The following C16orf96 variants were observed in gnomAD, a reference collection of about 807,000 sequenced individuals.
The protein encoded by C16orf96 is chromosome 16 open reading frame 96.
C16orf96 carries 108 observed loss-of-function variants against 103.6 expected under a neutral mutation model. The observed-to-expected ratio is 1.04, with a 90% CI of 0.89 to 1.22. C16orf96 has a LOEUF of 1.22. Ranked by LOEUF, C16orf96 falls within the 50% of genes most tolerant of loss-of-function variation. C16orf96 has a pLI of 0.00. For missense variants in C16orf96, 1,586 were observed against 1,464.2 expected (o/e 1.08, Z -1.36); for synonymous variants, 566 against 593.5 (o/e 0.95, Z 0.67).
At chr16:4,577,646 G>A (rs1026296080) in intron 5 of C16orf96, among the ~76,000 whole-genome samples, 12 of 141,912 alleles carry the variant, frequency 8.5e-5, no homozygotes, top group South Asian at 4.5e-4. Context: ...GCTAGACTCC[G>A]TCTCAAAAAA....
At chr16:4,568,680 G>A (rs2059406576) in intron 1 of C16orf96, among the ~76,000 whole-genome samples, 1 of 144,276 alleles carries the variant, frequency 6.9e-6, no homozygotes, top group South Asian at 2.2e-4. Context: ...CCAAGCTGGA[G>A]GGCAGTAGTG....
intron 1 of C16orf96, among the ~76,000 whole-genome samples, chr16:4,557,330 G>C (rs1304590076): frequency 6.6e-6 from 1 of 152,106 alleles, no homozygotes; most frequent in Non-Finnish European, 1.5e-5. Flanking sequence ...ATGCAGAGTG[G>C]GAAGAAGGGT....
the C16orf96 span, among the ~76,000 whole-genome samples, chr16:4,547,685 CTTCCTTCTTTCTTTCTTTCT>C: frequency 0.61 from 65,666 of 107,046 alleles, 19,759 homozygotes; most frequent in East Asian, 0.8. Context: ...TCCTTCCTTC[CTTCCTTCTTTCTTTCTTTCT>C]TTCTTTCTTT....
At chr16:4,596,496 A>AC (rs1180418303) in intron 14 of C16orf96, among the ~76,000 whole-genome samples, 6 of 151,570 alleles carry the variant, frequency 4.0e-5, no homozygotes, top group Admixed American at 1.3e-4. Context: ...AAAAAAAAAA[A>AC]AAAAAACAGC....
At chr16:4,586,925 G>C (rs1275987439) in intron 7 of C16orf96, 114 bp from the exon 8 acceptor site, 4 of 929,424 alleles carry the variant, frequency 4.3e-6, no homozygotes, top group Middle Eastern at 2.5e-4. Context: ...CCTGCCTGCT[G>C]TCCACACGGC....
intron 1 of C16orf96, among the ~76,000 whole-genome samples, chr16:4,567,925 T>A (rs1183166609): frequency 6.6e-6 from 1 of 152,014 alleles, no homozygotes; most frequent in Non-Finnish European, 1.5e-5. Context: ...CTCGATCTCC[T>A]GACTTCATGA....
chr16:4,545,929 A>G, the C16orf96 span, among the ~76,000 whole-genome samples: 1 of 151,576 alleles, frequency 6.6e-6, no homozygotes, highest in East Asian at 1.9e-4. Flanking sequence ...AGCTCACCAC[A>G]ACTTCCGCCT....
the C16orf96 span, among the ~76,000 whole-genome samples, chr16:4,549,103 T>TA: frequency 2.0e-5 from 3 of 151,976 alleles, 1 homozygote; most frequent in South Asian, 2.1e-4. Flanking sequence ...GAGACCCTAT[T>TA]AAAAAAAGTG....
Position 4,594,522 on chromosome 16 carries a change from C to CG in C16orf96, c.3027+16dup. The CG allele has an allele frequency of 1.9e-6, 3 of 1,548,968 alleles. No individual in the cohort carries two copies. The highest frequency in any genetic ancestry group is 2.4e-5 in the East Asian group (1 of 40,832). On this transcript the variant is annotated intron_variant, in intron 13 of 15. Transcript: ENST00000444310. ...TCGACTATGACAGCGTGAGTCTGGC[C>CG]GGGGCCTCCTTCTCAGAGGGTGGAC...
chr16:4,564,704 G>C (rs1023130871), intron 1 of C16orf96, among the ~76,000 whole-genome samples: 1 of 152,134 alleles, frequency 6.6e-6, no homozygotes, highest in African/African-American at 2.4e-5. Context: ...CCAGCCACTC[G>C]AGAGGCTGAG....
At chr16:4,582,695 G>A (rs1435580177) in intron 7 of C16orf96, among the ~76,000 whole-genome samples, 1 of 152,082 alleles carries the variant, frequency 6.6e-6, no homozygotes, top group Non-Finnish European at 1.5e-5. Context: ...CCATGTCCTG[G>A]GGTCATCTTG....
chr16:4,580,694 A>C (rs2059574300), intron 7 of C16orf96, among the ~76,000 whole-genome samples: 1 of 152,030 alleles, frequency 6.6e-6, no homozygotes, highest in Non-Finnish European at 1.5e-5. Context: ...ACAAATAAAA[A>C]ATTTAGCTGG....
chr16:4,594,952 G>A (rs1897140649), intron 14 of C16orf96, 149 bp downstream of exon 14: 1 of 805,858 alleles, frequency 1.2e-6, no homozygotes, highest in African/African-American at 1.7e-5. Context: ...GGTCACAGCA[G>A]GCCCCCAGGA....
At chr16:4,564,620 G>A (rs1177999993) in intron 1 of C16orf96, among the ~76,000 whole-genome samples, 1 of 152,178 alleles carries the variant, frequency 6.6e-6, no homozygotes, top group Non-Finnish European at 1.5e-5. Context: ...AGGCCAGCCT[G>A]GCCGATGTGG....
Position 4,585,291 on chromosome 16 carries a change from CAAA to C in C16orf96, c.2353-1729_2353-1727del, listed in dbSNP as rs1555506767. Among the ~76,000 whole-genome samples, 59 of 17,170 alleles carry C rather than the reference CAAA, an allele frequency of 3.4e-3. 1 individual carries two copies. The highest frequency in any genetic ancestry group is 4.5e-3 in the African/African-American group (52 of 11,598). 11.3% of individuals were successfully genotyped at this position (17,170 alleles called of 152,430 possible). On this transcript the variant is annotated intron_variant, in intron 7 of 15. Coordinates refer to ENST00000444310, the MANE Select transcript of C16orf96 (RefSeq NM_001145011.2). The stretch of plus-strand genomic sequence containing the variant: ...CAACATAGTGAGACCCCTGTCTCTA[CAAA>C]AAAAAAAAAAAAAAAAAATCCAGGT...
At chr16:4,548,487 G>C in the C16orf96 span, among the ~76,000 whole-genome samples, 2 of 152,230 alleles carry the variant, frequency 1.3e-5, no homozygotes, top group East Asian at 3.8e-4. Flanking sequence ...GCTACCAGAA[G>C]ACCATTCTCC....
chr16:4,592,410 G>A, intron 11 of C16orf96, 43 bp downstream of exon 11: 1 of 1,549,646 alleles, frequency 6.5e-7, no homozygotes, highest in Non-Finnish European at 8.7e-7. Context: ...AAGGGCTTGT[G>A]GGGCCCATGG....
At position 4,564,718 on chromosome 16, in the gene C16orf96, C is replaced by T. The variant is rs191242242; in HGVS notation, c.421-6843C>T. 1.1e-3 allele frequency among the ~76,000 whole-genome samples: 161 copies of T among 152,032 alleles called. 1 individual carries two copies. Among genetic ancestry groups the T allele is most frequent in the Middle Eastern group, 6.8e-3 (2 of 294 alleles). ...CCCAGCCACTCGAGAGGCTGAGGCA[C>T]GAGAATCGCTTGAACCCGAGAGGTG... On this transcript the variant is annotated intron_variant, in intron 1 of 15. Transcript: ENST00000444310.
chr16:4,579,414 T>G (rs1009741013), intron 6 of C16orf96, among the ~76,000 whole-genome samples: 8 of 151,554 alleles, frequency 5.3e-5, no homozygotes, highest in African/African-American at 1.7e-4. Context: ...ATTATCCAGG[T>G]GTGGTGGTTT....
Sources: gnomAD v4.1 joint callset for allele counts (sites outside exome capture counted in the v4.1 genomes callset) on GRCh38, gnomAD v4.1.1 for gene constraint, MANE v1.5 for transcripts, NCBI Gene and HGNC (gene_info 2026-07-23, HGNC 2026-07-21) for gene names.